The following WWOX variants were observed in gnomAD, a reference collection of about 807,000 sequenced individuals.
The protein encoded by WWOX is WW domain containing oxidoreductase, also known as WW domain-containing oxidoreductase.
A neutral mutation model predicts 46.2 loss-of-function variants in WWOX; 69 were observed. That is an observed-to-expected ratio of 1.49 (90% CI 1.23 to 1.82). The LOEUF is 1.82. Ranked by LOEUF, WWOX falls within the 40% of genes most tolerant of loss-of-function variation. The pLI, the probability that WWOX is intolerant of heterozygous loss-of-function variation, is 0.00. For synonymous variants in WWOX, 359 were observed against 202.6 expected (o/e 1.77, Z -6.56); for missense variants, 919 against 542.6 (o/e 1.69, Z -6.89).
intron 5 of WWOX, among the ~76,000 whole-genome samples, chr16:78,355,342 C>G (rs1008231317): frequency 6.6e-6 from 1 of 151,966 alleles, no homozygotes; most frequent in Non-Finnish European, 1.5e-5. Context: ...GTGGCTCACG[C>G]CTGTAATCCC....
intron 8 of WWOX, among the ~76,000 whole-genome samples, chr16:78,820,252 A>G (rs975931731): frequency 2.6e-5 from 4 of 152,188 alleles, no homozygotes; most frequent in East Asian, 1.9e-4. Context: ...TTTGATGCCA[A>G]AGAGCCAAAT....
intron 8 of WWOX, among the ~76,000 whole-genome samples, chr16:78,775,560 G>A (rs868254149): frequency 4.1e-4 from 62 of 152,132 alleles, no homozygotes; most frequent in African/African-American, 1.2e-3. Context: ...TGCTCATCCC[G>A]TCTACAACCT....
intron 8 of WWOX, among the ~76,000 whole-genome samples, chr16:78,843,807 G>C (rs1041053631): frequency 1.3e-5 from 2 of 152,086 alleles, no homozygotes; most frequent in African/African-American, 2.4e-5. Context: ...AAATAAGTTT[G>C]ATTTACTAAC....
intron 8 of WWOX, among the ~76,000 whole-genome samples, chr16:78,939,712 A>C (rs143460707): frequency 2.0e-5 from 3 of 152,366 alleles, no homozygotes; most frequent in African/African-American, 4.8e-5. Context: ...GTAGGTACCC[A>C]AGTCTACTGG....
chr16:78,497,179 C>A (rs529522188), intron 8 of WWOX, among the ~76,000 whole-genome samples: 1 of 152,196 alleles, frequency 6.6e-6, no homozygotes, highest in Non-Finnish European at 1.5e-5. Flanking sequence ...TGGAAAGACT[C>A]AATAGCATAT....
chr16:78,599,886 C>T (rs933452174), intron 8 of WWOX, among the ~76,000 whole-genome samples: 9 of 152,060 alleles, frequency 5.9e-5, no homozygotes, highest in Admixed American at 1.3e-4. Flanking sequence ...GGTCAACCAC[C>T]GCATTTCTAG....
intron 8 of WWOX, among the ~76,000 whole-genome samples, chr16:78,918,687 C>A (rs1307822199): frequency 3.3e-5 from 5 of 152,130 alleles, no homozygotes; most frequent in Non-Finnish European, 7.4e-5. Flanking sequence ...AGCACTGCAT[C>A]CATTATCTTA....
chr16:79,202,430 C>T (rs2150832662), intron 8 of WWOX, among the ~76,000 whole-genome samples: 1 of 152,204 alleles, frequency 6.6e-6, no homozygotes, highest in Admixed American at 6.5e-5. Flanking sequence ...CTAGAAAGAT[C>T]CAAAGAAACC....
intron 8 of WWOX, among the ~76,000 whole-genome samples, chr16:79,158,207 T>C (rs914151081): frequency 7.9e-5 from 12 of 152,014 alleles, no homozygotes; most frequent in African/African-American, 2.9e-4. Flanking sequence ...GAGCAAAAAA[T>C]TGGCCGGGAA....
chr16:78,578,727 G>C (rs778573720), intron 8 of WWOX, among the ~76,000 whole-genome samples: 1 of 152,138 alleles, frequency 6.6e-6, no homozygotes, highest in Non-Finnish European at 1.5e-5. Flanking sequence ...TCAATATGAT[G>C]CATCAACATA....
chr16:78,587,193 C>CTTTTTTTTTTTTTT lies in WWOX; in HGVS notation c.1056+154451_1056+154464dup, dbSNP rs528293412. 1.4e-4 allele frequency among the ~76,000 whole-genome samples: 16 copies of CTTTTTTTTTTTTTT among 112,892 alleles called. 1 individual carries two copies. Among genetic ancestry groups the CTTTTTTTTTTTTTT allele is most frequent in the African/African-American group, 5.4e-4 (16 of 29,504 alleles). 74.1% of individuals were successfully genotyped at this position (112,892 alleles called of 152,430 possible). A position where few individuals can be genotyped will look rare whatever the true frequency, so the allele number is the denominator to read the frequency against. ...AGCAGATGCCACCATGCCTGGCTAA[C>CTTTTTTTTTTTTTT]TTTTTTTTTTTTTTTTTTTTTTTGT... On this transcript the variant is annotated intron_variant, in intron 8 of 8. Transcript: ENST00000566780.
At chr16:78,993,227 A>C (rs890848372) in intron 8 of WWOX, among the ~76,000 whole-genome samples, 3 of 151,914 alleles carry the variant, frequency 2.0e-5, no homozygotes, top group African/African-American at 4.8e-5. Context: ...TGTTTGCAGT[A>C]AGCCGAGGAT....
chr16:78,156,320 T>G (rs188327194), intron 4 of WWOX, among the ~76,000 whole-genome samples: 4 of 152,244 alleles, frequency 2.6e-5, no homozygotes, highest in Non-Finnish European at 2.9e-5. Context: ...GAAAATAAAA[T>G]TTGATAGAAA....
chr16:78,440,506 A>G (rs545421321), intron 8 of WWOX, among the ~76,000 whole-genome samples: 134 of 151,954 alleles, frequency 8.8e-4, no homozygotes, highest in African/African-American at 3.1e-3. Context: ...ATACTGCCTG[A>G]CTCGTAGTAG....
chr16:78,932,508 C>G (rs1363789196), intron 8 of WWOX, among the ~76,000 whole-genome samples: 2 of 152,214 alleles, frequency 1.3e-5, no homozygotes, highest in Non-Finnish European at 2.9e-5. Flanking sequence ...CCTGCTCTTG[C>G]AAACCTTGAA....
intron 8 of WWOX, among the ~76,000 whole-genome samples, chr16:79,081,739 C>T (rs2048764043): frequency 6.6e-6 from 1 of 152,100 alleles, no homozygotes; most frequent in African/African-American, 2.4e-5. Context: ...CAAGTGTGAA[C>T]CATGGCTTGC....
chr16:78,854,291 CTTTA>C (rs1040802454), intron 8 of WWOX, among the ~76,000 whole-genome samples: 1 of 151,970 alleles, frequency 6.6e-6, no homozygotes, highest in African/African-American at 2.4e-5. Context: ...ATGCAGGTAA[CTTTA>C]TTTATTATTT....
intron 8 of WWOX, among the ~76,000 whole-genome samples, chr16:78,608,488 C>T (rs922733153): frequency 8.5e-5 from 13 of 152,168 alleles, no homozygotes; most frequent in African/African-American, 3.1e-4. Context: ...CAGTGTTTTC[C>T]CTTTCAGCAG....
intron 8 of WWOX, among the ~76,000 whole-genome samples, chr16:78,704,233 C>A (rs1348148927): frequency 2.0e-5 from 3 of 152,006 alleles, no homozygotes; most frequent in African/African-American, 7.2e-5. Flanking sequence ...ACAGTGCAAC[C>A]TACCTTAGCA....
Sources: gnomAD v4.1 joint callset for allele counts (sites outside exome capture counted in the v4.1 genomes callset) on GRCh38, gnomAD v4.1.1 for gene constraint, MANE v1.5 for transcripts, NCBI Gene and HGNC (gene_info 2026-07-23, HGNC 2026-07-21) for gene names.